Variants in ZNF497 observed in about 807,000 individuals in gnomAD.
The protein encoded by ZNF497 is zinc finger protein 497, also known as zinc finger-like protein.
For synonymous variants in ZNF497, 422 were observed against 313.7 expected (o/e 1.35, Z -3.65); for missense variants, 930 against 714.0 (o/e 1.30, Z -3.45).
chr19:58,359,161 G>C, intron 1 of ZNF497: 1 of 1,287,346 alleles, frequency 7.8e-7, no homozygotes, highest in Non-Finnish European at 1.0e-6. Context: ...ACCCCCAGAA[G>C]CACTGGCCAG....
rs1568558585 is a variant in ZNF497, at chr19:58,356,988, C to T, written c.648G>A (p.Lys216=). ...VQHRRTHTGE[K]PYECPECGKA... ...TGCCGCACTCCGGGCACTCGTAGGG[C>T]TTCTCGCCCGTGTGCGTGCGTCGGT... Residue 216 remains lysine (K), a synonymous_variant, in exon 3 of 3, where the codon AAG becomes AAA. Transcript: ENST00000311044. The T allele has an allele frequency of 1.2e-6, 2 of 1,609,680 alleles. No individual in the cohort carries two copies. Among genetic ancestry groups the T allele is most frequent in the Non-Finnish European group, 8.5e-7 (1 of 1,179,112 alleles).
chr19:58,356,540 C>T lies in ZNF497; in HGVS notation c.1096G>A (p.Ala366Thr). 1 of 1,547,506 alleles carries T rather than the reference C, an allele frequency of 6.5e-7. No individual in the cohort carries two copies. Among genetic ancestry groups the T allele is most frequent in the South Asian group, 1.2e-5 (1 of 84,860 alleles). ...AGTAGGTTGGAGCGCTGGCTGAAGG[C>T]CTTGCCGCACTGGGCGCACGCATGA... ...KPHACAQCGK[A>T]FSQRSNLLSH... The change falls in exon 3 of 3, where the codon GCC becomes ACC. Residue 366 changes from alanine (A) to threonine (T), a missense_variant. Physicochemically the swap from Ala to Thr is moderately conservative, Grantham distance 58. Transcript: ENST00000311044.
chr19:58,356,770 AGCC>A lies in ZNF497; in HGVS notation c.863_865del (p.Gly288_Leu289delinsVal). 6.4e-7 allele frequency: 1 copy of A among 1,559,562 alleles called. No individual in the cohort carries two copies. ...GCTGTGCGTGCGCCGGTGCTGCCGC[AGCC>A]CCGCCACACGCACGAAGGCCTTGCC... On this transcript the variant is annotated inframe_deletion, in exon 3 of 3. Transcript: ENST00000311044.
chr19:58,356,085 C>T lies in ZNF497; in HGVS notation c.*54G>A. Reference sequence around the variant, plus strand: ...GGGCCAGCAGACAGCGCACTCACGCCCGAGACCCCGCAATGCCGTGTGTCC... The same window carrying T: ...GGGCCAGCAGACAGCGCACTCACGCTCGAGACCCCGCAATGCCGTGTGTCC... On this transcript the variant is annotated 3_prime_UTR_variant, in exon 3 of 3. Coordinates refer to ENST00000311044, the MANE Select transcript of ZNF497 (RefSeq NM_198458.3). The T allele has an allele frequency of 6.8e-7, 1 of 1,475,066 alleles. No homozygotes were observed. Among genetic ancestry groups the T allele is most frequent in the Non-Finnish European group, 8.9e-7 (1 of 1,119,082 alleles). The allele number at this position is 1,475,066 out of a possible 1,614,324, so 91.4% of individuals were successfully genotyped here.
Position 58,356,184 on chromosome 19 carries a change from G to A in ZNF497, c.1452C>T (p.Asn484=). 1 of 1,592,016 alleles carries A rather than the reference G, an allele frequency of 6.3e-7. No individual in the cohort carries two copies. Among genetic ancestry groups the A allele is most frequent in the Non-Finnish European group, 8.6e-7 (1 of 1,167,286 alleles). Residue 484 remains asparagine, a synonymous_variant, in exon 3 of 3, where the codon AAC becomes AAT. Transcript: ENST00000311044. The part of the protein sequence containing the change: ...ECGKPFSHRC[N]LNEHQKRHGG... ...CGTGCCGCTTCTGGTGCTCGTTGAG[G>A]TTGCAACGGTGGCTGAAAGGCTTCC...
intron 1 of ZNF497, 73 bp from the exon 2 acceptor site, chr19:58,358,658 G>T: frequency 1.3e-6 from 1 of 747,222 alleles, no homozygotes; most frequent in Non-Finnish European, 1.9e-6. Context: ...GGGGCATGCG[G>T]TGGCATGACC....
chr19:58,360,407 C>T (rs1599915687), intron 1 of ZNF497, among the ~76,000 whole-genome samples: 1 of 151,578 alleles, frequency 6.6e-6, no homozygotes, highest in East Asian at 1.9e-4. Context: ...CTGGCTCTGT[C>T]ATCCAGGCTA....
rs191488192 is a variant in ZNF497 at position 58,355,138 on chromosome 19, T to C, written c.*1001A>G. 6.6e-6 allele frequency: 1 copy of C among 152,206 alleles called. No homozygotes were observed. Among genetic ancestry groups the C allele is most frequent in the African/African-American group, 2.4e-5 (1 of 41,396 alleles). 9.4% of individuals were successfully genotyped at this position (152,206 alleles called of 1,614,324 possible). ...AAACCTGCACAATCAGTCCCTAACT[T>C]ATATCCCCTCTGTTTGAAATACCTA... On this transcript the variant is annotated 3_prime_UTR_variant, in exon 3 of 3. Transcript: ENST00000311044.
chr19:58,355,083 A>G lies in ZNF497; in HGVS notation c.*1056T>C, dbSNP rs1161694023. The G allele has an allele frequency of 6.6e-6, 1 of 152,314 alleles. No individual in the cohort carries two copies. The highest frequency in any genetic ancestry group is 1.5e-5 in the Non-Finnish European group (1 of 68,072). 9.4% of individuals were successfully genotyped at this position (152,314 alleles called of 1,614,324 possible). A position where few individuals can be genotyped will look rare whatever the true frequency, so the allele number is the denominator to read the frequency against. Reference sequence around the variant, plus strand: ...CAAGTATCCAGCTCTGAGATTCTGCAACATCCACTTTTGCTCTCTGAGCCT... The same window carrying G: ...CAAGTATCCAGCTCTGAGATTCTGCGACATCCACTTTTGCTCTCTGAGCCT... On this transcript the variant is annotated 3_prime_UTR_variant, in exon 3 of 3. Coordinates refer to ENST00000311044, the MANE Select transcript of ZNF497 (RefSeq NM_198458.3).
Position 58,357,522 on chromosome 19 carries a change from C to G in ZNF497, c.114G>C (p.Trp38Cys). The change falls in exon 3 of 3, where the codon TGG becomes TGC. Residue 38 changes from tryptophan to cysteine, a missense_variant. Physicochemically the swap from Trp to Cys is radical, Grantham distance 215. Coordinates refer to ENST00000311044, the MANE Select transcript of ZNF497 (RefSeq NM_198458.3). The stretch of plus-strand genomic sequence containing the variant: ...CCTCCGTGGAGTTTTCCCAGGCCCC[C>G]CAGCCTCCAGACACAGCCCCCTCAG... Reference protein sequence around the residue: ...GLSEGAVSGGWGAWENSTEVP... With the variant: ...GLSEGAVSGGCGAWENSTEVP... 3 of 1,604,984 alleles carry G rather than the reference C, an allele frequency of 1.9e-6. No individual in the cohort carries two copies. Among genetic ancestry groups the G allele is most frequent in the Non-Finnish European group, 2.6e-6 (3 of 1,176,116 alleles).
intron 2 of ZNF497, 32 bp downstream of exon 2, chr19:58,358,457 G>A: frequency 8.7e-7 from 1 of 1,150,678 alleles, no homozygotes; most frequent in Non-Finnish European, 1.1e-6. Flanking sequence ...TGCCAAGGCA[G>A]GGCAGGGACA....
At chr19:58,360,097 T>A (rs2052074843) in intron 1 of ZNF497, among the ~76,000 whole-genome samples, 1 of 152,198 alleles carries the variant, frequency 6.6e-6, no homozygotes, top group African/African-American at 2.4e-5. Flanking sequence ...ATTCCATTTA[T>A]GTGAAATGTC....
chr19:58,361,014 C>T (rs2052087789), intron 1 of ZNF497, among the ~76,000 whole-genome samples: 1 of 151,836 alleles, frequency 6.6e-6, no homozygotes, highest in Non-Finnish European at 1.5e-5. Context: ...GATCTCCTGA[C>T]CTCGTGATCC....
In ZNF497 at chr19:58,356,110, C is replaced by G; in HGVS notation, c.*29G>C. 1 of 1,508,074 alleles carries G rather than the reference C, an allele frequency of 6.6e-7. No individual in the cohort carries two copies. The highest frequency in any genetic ancestry group is 8.8e-7 in the Non-Finnish European group (1 of 1,132,970). The allele number at this position is 1,508,074 out of a possible 1,614,324, so 93.4% of individuals were successfully genotyped here. On this transcript the variant is annotated 3_prime_UTR_variant, in exon 3 of 3. Coordinates refer to ENST00000311044, the MANE Select transcript of ZNF497 (RefSeq NM_198458.3). ...CCGAGACCCCGCAATGCCGTGTGTC[C>G]GCGACCTCCCGCTCAGGGCGTCCTC... is the stretch of plus-strand genomic sequence containing the variant.
chr19:58,356,155 C>A lies in ZNF497; in HGVS notation c.1481G>T (p.Gly494Val). 6.4e-7 allele frequency: 1 copy of A among 1,565,124 alleles called. No individual in the cohort carries two copies. Among genetic ancestry groups the A allele is most frequent in the Non-Finnish European group, 8.7e-7 (1 of 1,155,026 alleles). Residue 494 changes from glycine to valine, a missense_variant, in exon 3 of 3, where the codon GGC becomes GTC. Gly to Val is a moderately radical substitution (Grantham distance 109). Transcript: ENST00000311044. ...NLNEHQKRHG[G>V]RAAP ...GTCCTCGGGTCAGGGCGCAGCGCGG[C>A]CCCCGTGCCGCTTCTGGTGCTCGTT...
Position 58,356,587 on chromosome 19 carries a change from C to A in ZNF497, c.1049G>T (p.Arg350Leu). The change falls in exon 3 of 3, where the codon CGC becomes CTC. Residue 350 changes from arginine to leucine, a missense_variant. Transcript: ENST00000311044. Reference protein sequence around the residue: ...VMGSYLAEHRRVHTGEKPHAC... With the variant: ...VMGSYLAEHRLVHTGEKPHAC... ...ATGAGGCTTCTCGCCCGTGTGCACG[C>A]GCCGGTGCTCCGCCAGGTAGGAGCC... The A allele has an allele frequency of 6.5e-7, 1 of 1,546,648 alleles. No individual in the cohort carries two copies. Among genetic ancestry groups the A allele is most frequent in the South Asian group, 1.2e-5 (1 of 84,742 alleles).
At chr19:58,359,444 C>T (rs1486160500) in intron 1 of ZNF497, 1 of 462,906 alleles carries the variant, frequency 2.2e-6, no homozygotes, top group East Asian at 6.9e-5. Flanking sequence ...CCCCCAGTGT[C>T]AGCATCTTTG....
chr19:58,358,134 C>A, intron 2 of ZNF497: 1 of 1,274,458 alleles, frequency 7.8e-7, no homozygotes, highest in Non-Finnish European at 1.0e-6. Context: ...TCCACCCTGG[C>A]CGGATCCCTG....
chr19:58,362,506 G>A (rs1599917862), intron 1 of ZNF497, 171 bp downstream of exon 1: 1 of 152,270 alleles, frequency 6.6e-6, no homozygotes, highest in South Asian at 2.1e-4. Context: ...GTCGCCTCTG[G>A]CCCGTGCAGG....
Sources: allele counts gnomAD v4.1 joint callset (sites outside exome capture counted in the v4.1 genomes callset), GRCh38; gene constraint gnomAD v4.1.1; transcripts MANE v1.5; gene names NCBI Gene and HGNC (gene_info 2026-07-23, HGNC 2026-07-21).